Variants in NCKAP5 observed in about 807,000 individuals in gnomAD.
The protein encoded by NCKAP5 is nck-associated protein 5.
Under a neutral mutation model 167.0 loss-of-function variants are expected in NCKAP5, and 92 were observed. The ratio of observed to expected loss-of-function variants is 0.55; its 90% CI spans 0.47 to 0.66. NCKAP5 has a LOEUF of 0.66. Among genes scored for constraint, NCKAP5 ranks in the 30% least tolerant of loss-of-function variants. The pLI is 0.00. For synonymous variants in NCKAP5, 891 were observed against 877.4 expected (o/e 1.02, Z -0.27); for missense variants, 2,378 against 2,315.0 (o/e 1.03, Z -0.56).
At chr2:133,083,255 C>G (rs1025697) in intron 6 of NCKAP5, among the ~76,000 whole-genome samples, 38,458 of 152,042 alleles carry the variant, frequency 0.25, 5,314 homozygotes, top group Non-Finnish European at 0.31. Context: ...CCAAAAGTAC[C>G]TTAGGTATTC....
At chr2:133,606,300 G>A in the NCKAP5 span, among the ~76,000 whole-genome samples, 130 of 152,214 alleles carry the variant, frequency 8.5e-4, no homozygotes, top group Admixed American at 1.8e-3. Flanking sequence ...AACATTCTAA[G>A]AAGTCTGTAG....
chr2:133,203,186 T>G (rs1418462687), intron 5 of NCKAP5, among the ~76,000 whole-genome samples: 1 of 152,128 alleles, frequency 6.6e-6, no homozygotes, highest in African/African-American at 2.4e-5. Flanking sequence ...GTGGCACATA[T>G]ACACCATGGA....
chr2:132,929,795 T>A (rs1017886634), intron 8 of NCKAP5: 1 of 152,226 alleles, frequency 6.6e-6, no homozygotes, highest in African/African-American at 2.4e-5. Context: ...TTCCTATTAT[T>A]GGTCACTATG....
At chr2:133,452,432 T>C (rs1691606822) in intron 3 of NCKAP5, among the ~76,000 whole-genome samples, 1 of 152,148 alleles carries the variant, frequency 6.6e-6, no homozygotes, top group African/African-American at 2.4e-5. Context: ...TGGAGGATAA[T>C]CCACATGCTA....
intron 3 of NCKAP5, among the ~76,000 whole-genome samples, chr2:133,396,099 A>C (rs1453537861): frequency 6.6e-6 from 1 of 152,260 alleles, no homozygotes; most frequent in South Asian, 2.1e-4. Context: ...GGATATGGAT[A>C]GCAAAGTTGG....
intron 3 of NCKAP5, among the ~76,000 whole-genome samples, chr2:133,418,782 G>A (rs1440953322): frequency 1.3e-5 from 2 of 152,102 alleles, no homozygotes; most frequent in Admixed American, 6.5e-5. Flanking sequence ...CTCCATTGCC[G>A]TTAGTGTTTC....
At chr2:133,271,581 C>T (rs1027856751) in intron 4 of NCKAP5, among the ~76,000 whole-genome samples, 1 of 152,026 alleles carries the variant, frequency 6.6e-6, no homozygotes, top group Non-Finnish European at 1.5e-5. Context: ...TTAGGCATAG[C>T]GGAATATGGA....
At chr2:132,829,383 A>T (rs1458119709) in intron 11 of NCKAP5, among the ~76,000 whole-genome samples, 1 of 152,198 alleles carries the variant, frequency 6.6e-6, no homozygotes, top group Admixed American at 6.5e-5. Flanking sequence ...ATACTCAATA[A>T]GTGGTAGCTG....
chr2:133,044,841 G>A (rs547295796), intron 6 of NCKAP5, among the ~76,000 whole-genome samples: 8 of 152,184 alleles, frequency 5.3e-5, no homozygotes, highest in Admixed American at 3.3e-4. Context: ...TTGGGAGGCC[G>A]AGGTAGGAAG....
chr2:132,717,999 T>C (rs1003923312), intron 19 of NCKAP5, among the ~76,000 whole-genome samples: 15 of 152,184 alleles, frequency 9.9e-5, no homozygotes, highest in African/African-American at 3.6e-4. Flanking sequence ...CAAAAAGAAC[T>C]AGGAATTCTG....
At chr2:133,345,181 G>A (rs946458732) in intron 3 of NCKAP5, among the ~76,000 whole-genome samples, 18 of 151,976 alleles carry the variant, frequency 1.2e-4, no homozygotes, top group Admixed American at 6.6e-5. Flanking sequence ...TTCACCACCC[G>A]GGAAATGAGG....
At chr2:133,674,653 A>T in the NCKAP5 span, among the ~76,000 whole-genome samples, 1 of 152,024 alleles carries the variant, frequency 6.6e-6, no homozygotes, top group Non-Finnish European at 1.5e-5. Context: ...AAAAAAAAAG[A>T]AGAGAAAATT....
rs566519814 is a variant in NCKAP5, at chr2:133,318,533, T to C, written c.70-15423A>G. ...ACTGCTGCCTTGTTTGAAAGGTAAT[T>C]AGAAAGCCATTTTGTTCTGACAGTG... On this transcript the variant is annotated intron_variant, in intron 3 of 19. Coordinates refer to ENST00000409261, the MANE Select transcript of NCKAP5 (RefSeq NM_207363.3). Among the ~76,000 whole-genome samples the C allele has an allele frequency of 3.9e-5, 6 of 152,280 alleles. No homozygotes were observed. The East Asian group carries it at 1.2e-3, about 29-fold the overall frequency.
At chr2:133,355,599 CT>C (rs368714568) in intron 3 of NCKAP5, among the ~76,000 whole-genome samples, 23 of 148,996 alleles carry the variant, frequency 1.5e-4, no homozygotes, top group African/African-American at 3.4e-4. Context: ...TATTGCCAAC[CT>C]TTTTTTTTTC....
At chr2:133,241,124 T>G (rs1439090713) in intron 4 of NCKAP5, among the ~76,000 whole-genome samples, 2 of 152,214 alleles carry the variant, frequency 1.3e-5, no homozygotes, top group Admixed American at 6.5e-5. Context: ...TTAAACGTTT[T>G]AGCTAAATTC....
intron 3 of NCKAP5, among the ~76,000 whole-genome samples, chr2:133,318,465 T>C (rs1372652442): frequency 6.6e-6 from 1 of 152,224 alleles, no homozygotes; most frequent in Non-Finnish European, 1.5e-5. Context: ...AGTGCTTTTA[T>C]AGGTGGTAAC....
At chr2:133,487,145 T>C (rs927355567) in intron 3 of NCKAP5, among the ~76,000 whole-genome samples, 1 of 152,010 alleles carries the variant, frequency 6.6e-6, no homozygotes, top group African/African-American at 2.4e-5. Context: ...ACAAAGAAAA[T>C]ACAAATTCAC....
chr2:133,072,129 G>T (rs2080432926), intron 6 of NCKAP5, among the ~76,000 whole-genome samples: 1 of 150,046 alleles, frequency 6.7e-6, no homozygotes, highest in African/African-American at 2.5e-5. Context: ...TTGTTGCCCA[G>T]GCTGGAGTGC....
chr2:132,728,413 G>T (rs1004091361), intron 18 of NCKAP5, among the ~76,000 whole-genome samples: 9 of 152,152 alleles, frequency 5.9e-5, no homozygotes, highest in African/African-American at 1.9e-4. Flanking sequence ...AAAAGCAATA[G>T]AATTAGATCT....
Sources: gnomAD v4.1 joint callset for allele counts (sites outside exome capture counted in the v4.1 genomes callset) on GRCh38, gnomAD v4.1.1 for gene constraint, MANE v1.5 for transcripts, NCBI Gene and HGNC (gene_info 2026-07-23, HGNC 2026-07-21) for gene names.